Variants in KCNQ5 observed in about 807,000 individuals in gnomAD.
KCNQ5 encodes the protein potassium voltage-gated channel subfamily KQT member 5.
A neutral mutation model predicts 98.2 loss-of-function variants in KCNQ5; 30 were observed. The ratio of observed to expected loss-of-function variants is 0.31; its 90% confidence interval spans 0.23 to 0.41. The LOEUF (loss-of-function observed/expected upper bound fraction) is 0.41, where lower values mean the gene tolerates loss of function less well. Among genes scored for constraint, KCNQ5 ranks in the 10% least tolerant of loss-of-function variants. KCNQ5 has a pLI of 1.00. For synonymous variants in KCNQ5, 458 were observed against 449.4 expected (o/e 1.02, Z -0.24); for missense variants, 835 against 1,182.5 (o/e 0.71, Z 4.31).
chr6:72,891,382 A>G (rs564963483), intron 1 of KCNQ5, among the ~76,000 whole-genome samples: 1 of 152,348 alleles, frequency 6.6e-6, no homozygotes, highest in East Asian at 1.9e-4. Flanking sequence ...GTGTCAATTC[A>G]GATATTCTAG....
intron 1 of KCNQ5, among the ~76,000 whole-genome samples, chr6:72,680,918 T>A (rs967476960): frequency 1.3e-5 from 2 of 152,168 alleles, no homozygotes; most frequent in East Asian, 1.9e-4. Context: ...ATCTGATACT[T>A]TTAAGTGGGT....
At chr6:73,101,191 A>G (rs946717563) in intron 5 of KCNQ5, among the ~76,000 whole-genome samples, 2 of 152,238 alleles carry the variant, frequency 1.3e-5, no homozygotes, top group African/African-American at 2.4e-5. Context: ...TTTAAAAAAG[A>G]AAACTACAGG....
intron 1 of KCNQ5, among the ~76,000 whole-genome samples, chr6:72,923,186 T>C (rs768767727): frequency 3.3e-5 from 5 of 152,194 alleles, no homozygotes; most frequent in Admixed American, 6.5e-5. Flanking sequence ...TTGTGAATAA[T>C]GCTTCAGTAA....
intron 1 of KCNQ5, among the ~76,000 whole-genome samples, chr6:72,730,646 C>G (rs972828619): frequency 2.0e-5 from 3 of 152,034 alleles, no homozygotes; most frequent in Non-Finnish European, 4.4e-5. Context: ...GTGTCTGTAA[C>G]TTTATATTTT....
At chr6:72,873,221 T>G (rs1778283127) in intron 1 of KCNQ5, among the ~76,000 whole-genome samples, 1 of 152,192 alleles carries the variant, frequency 6.6e-6, no homozygotes. Context: ...GAAGCTAAAA[T>G]AAAATGTACC....
chr6:73,140,680 A>G (rs1052227578), intron 10 of KCNQ5, among the ~76,000 whole-genome samples: 14 of 152,200 alleles, frequency 9.2e-5, no homozygotes, highest in African/African-American at 3.1e-4. Context: ...TTTATTCTTC[A>G]TATTTAACTC....
intron 1 of KCNQ5, chr6:72,987,641 C>T: frequency 3.3e-6 from 2 of 609,618 alleles, no homozygotes; most frequent in African/African-American, 1.9e-5. Flanking sequence ...TGTGACCGGG[C>T]CATGAGCTGG....
intron 1 of KCNQ5, among the ~76,000 whole-genome samples, chr6:72,836,342 G>T (rs1230228685): frequency 2.0e-5 from 3 of 152,120 alleles, no homozygotes; most frequent in African/African-American, 7.2e-5. Flanking sequence ...ATAAACTGAT[G>T]ATTATGTGAC....
intron 2 of KCNQ5, among the ~76,000 whole-genome samples, chr6:73,013,284 G>T (rs1393982523): frequency 6.6e-6 from 1 of 152,052 alleles, no homozygotes; most frequent in Admixed American, 6.6e-5. Context: ...TAGTAAATAC[G>T]TCTGATGACA....
chr6:73,035,136 C>T (rs538251829), intron 2 of KCNQ5, among the ~76,000 whole-genome samples: 5 of 151,944 alleles, frequency 3.3e-5, no homozygotes, highest in Non-Finnish European at 7.4e-5. Flanking sequence ...TGAACCACCG[C>T]GCCCGGCCAC....
At chr6:72,866,986 T>A (rs1778013597) in intron 1 of KCNQ5, among the ~76,000 whole-genome samples, 1 of 152,230 alleles carries the variant, frequency 6.6e-6, no homozygotes, top group Admixed American at 6.5e-5. Flanking sequence ...CCCTTATGAA[T>A]TTAATTGATT....
chr6:73,049,632 C>T (rs1772124286), intron 3 of KCNQ5, among the ~76,000 whole-genome samples: 1 of 152,186 alleles, frequency 6.6e-6, no homozygotes, highest in Non-Finnish European at 1.5e-5. Flanking sequence ...AATTTCTTAA[C>T]AGATCAGTGG....
intron 3 of KCNQ5, among the ~76,000 whole-genome samples, chr6:73,059,449 A>G (rs1772679822): frequency 6.6e-6 from 1 of 152,156 alleles, no homozygotes; most frequent in African/African-American, 2.4e-5. Flanking sequence ...TAAAAAAACT[A>G]CCTATCAGGT....
chr6:72,693,890 G>T (rs1490292209), intron 1 of KCNQ5, among the ~76,000 whole-genome samples: 1 of 152,158 alleles, frequency 6.6e-6, no homozygotes, highest in African/African-American at 2.4e-5. Context: ...AGTAAAGAAA[G>T]AAATTTACAG....
chr6:72,811,668 C>T (rs977819811), intron 1 of KCNQ5, among the ~76,000 whole-genome samples: 3 of 152,088 alleles, frequency 2.0e-5, no homozygotes, highest in African/African-American at 4.8e-5. Flanking sequence ...TCTTTCTGCC[C>T]CAGTAGATTA....
chr6:72,926,816 G>A (rs1765445240), intron 1 of KCNQ5, among the ~76,000 whole-genome samples: 1 of 152,124 alleles, frequency 6.6e-6, no homozygotes, highest in African/African-American at 2.4e-5. Context: ...TTGATAATAT[G>A]TAGCAGAAAT....
At chr6:72,636,291 C>T (rs1159962924) in intron 1 of KCNQ5, among the ~76,000 whole-genome samples, 1 of 152,096 alleles carries the variant, frequency 6.6e-6, no homozygotes, top group Admixed American at 6.5e-5. Context: ...AGTTTCTTTA[C>T]TCAGTGAGCC....
intron 1 of KCNQ5, among the ~76,000 whole-genome samples, chr6:72,813,835 G>A (rs546807061): frequency 2.9e-4 from 44 of 151,984 alleles, no homozygotes; most frequent in African/African-American, 1.0e-3. Flanking sequence ...TTACTTTTTT[G>A]TTGCAATGTT....
At chr6:73,178,294 A>G (rs750274231) in intron 11 of KCNQ5, among the ~76,000 whole-genome samples, 7 of 151,824 alleles carry the variant, frequency 4.6e-5, no homozygotes, top group Non-Finnish European at 1.0e-4. Flanking sequence ...TCCAACAAAA[A>G]TCTACAGGAG....
Sources: gnomAD v4.1 joint callset for allele counts (sites outside exome capture counted in the v4.1 genomes callset) on GRCh38, gnomAD v4.1.1 for gene constraint, MANE v1.5 for transcripts, NCBI Gene and HGNC (gene_info 2026-07-23, HGNC 2026-07-21) for gene names.